Variants in EXOC6B observed in about 807,000 individuals in gnomAD.
EXOC6B encodes SEC15 homolog B.
A neutral mutation model predicts 113.5 loss-of-function variants in EXOC6B; 54 were observed. The observed-to-expected ratio is 0.48, with a 90% CI of 0.38 to 0.60. The LOEUF (loss-of-function observed/expected upper bound fraction) is 0.60, where lower values mean the gene tolerates loss of function less well. EXOC6B is among the 20% of genes least tolerant of loss of function. The pLI, the probability that EXOC6B is intolerant of heterozygous loss-of-function variation, is 0.00. For missense variants in EXOC6B, 797 were observed against 977.5 expected (o/e 0.82, Z 2.46); for synonymous variants, 357 against 339.0 (o/e 1.05, Z -0.58).
At chr2:72,652,412 C>A (rs1674244572) in intron 6 of EXOC6B, among the ~76,000 whole-genome samples, 1 of 152,120 alleles carries the variant, frequency 6.6e-6, no homozygotes, top group South Asian at 2.1e-4. Context: ...GCACAGAAAG[C>A]TAAACCTTAC....
Position 72,479,998 on chromosome 2 carries a change from T to C in EXOC6B, c.1800+618A>G, listed in dbSNP as rs1698980013. On this transcript the variant is annotated intron_variant, in intron 17 of 21. Coordinates refer to ENST00000272427, the MANE Select transcript of EXOC6B (RefSeq NM_015189.3). ...TGGGTGGATCGCTTGAACCCAGGAA[T>C]TCGAGACCAGCCTGGGCAACATGGC... 2.0e-5 allele frequency among the ~76,000 whole-genome samples: 3 copies of C among 151,998 alleles called. No homozygotes were observed. In the South Asian group the frequency reaches 6.2e-4, roughly 31 times the overall value.
chr2:72,730,858 TA>T, intron 5 of EXOC6B, 148 bp downstream of exon 5: 1 of 545,628 alleles, frequency 1.8e-6, no homozygotes, highest in East Asian at 3.0e-5. Context: ...TATATATAAA[TA>T]AATCTAGAAT....
At chr2:72,239,006 C>A (rs959598849) in intron 20 of EXOC6B, among the ~76,000 whole-genome samples, 3 of 152,152 alleles carry the variant, frequency 2.0e-5, no homozygotes, top group Admixed American at 2.0e-4. Flanking sequence ...TCAGGGGATC[C>A]TCCCACCTCA....
chr2:72,655,596 G>A (rs13006497), intron 6 of EXOC6B, among the ~76,000 whole-genome samples: 92,896 of 151,880 alleles, frequency 0.61, 34,635 homozygotes, highest in East Asian at 0.99. Context: ...AAAAGTACAT[G>A]TATTCAAAGA....
intron 6 of EXOC6B, among the ~76,000 whole-genome samples, chr2:72,588,679 A>G (rs1382015551): frequency 6.6e-6 from 1 of 152,094 alleles, no homozygotes; most frequent in Admixed American, 6.5e-5. Flanking sequence ...AAATCAATTA[A>G]TAATTTTAAT....
At chr2:72,334,736 C>T (rs555581559) in intron 20 of EXOC6B, among the ~76,000 whole-genome samples, 1 of 142,888 alleles carries the variant, frequency 7.0e-6, no homozygotes, top group South Asian at 2.4e-4. Context: ...CCCCCGCCTT[C>T]CCTTCTACCC....
At chr2:72,651,502 T>C (rs953304220) in intron 6 of EXOC6B, among the ~76,000 whole-genome samples, 1 of 152,244 alleles carries the variant, frequency 6.6e-6, no homozygotes, top group Non-Finnish European at 1.5e-5. Context: ...TAAAAGATGT[T>C]ATTAGGTTGT....
At chr2:72,532,740 G>A (rs1435044418) in intron 8 of EXOC6B, among the ~76,000 whole-genome samples, 3 of 152,068 alleles carry the variant, frequency 2.0e-5, no homozygotes, top group Admixed American at 6.6e-5. Flanking sequence ...CCCAGGAGGC[G>A]GAGGTTGCAG....
chr2:72,464,337 G>A (rs971859824), intron 18 of EXOC6B: 1 of 152,132 alleles, frequency 6.6e-6, no homozygotes, highest in African/African-American at 2.4e-5. Context: ...AGTCCTCTTT[G>A]GTGCTAAAAA....
intron 20 of EXOC6B, among the ~76,000 whole-genome samples, chr2:72,314,626 C>T (rs1210757899): frequency 1.3e-5 from 2 of 152,154 alleles, no homozygotes; most frequent in Non-Finnish European, 2.9e-5. Context: ...GAACCAAGAA[C>T]ACTTTTAGGA....
At chr2:72,694,358 C>T (rs1677715571) in intron 6 of EXOC6B, among the ~76,000 whole-genome samples, 1 of 152,134 alleles carries the variant, frequency 6.6e-6, no homozygotes, top group Non-Finnish European at 1.5e-5. Flanking sequence ...AGGAGAATCG[C>T]TTGACCCTGG....
At chr2:72,198,760 C>T (rs765765735) in intron 20 of EXOC6B, among the ~76,000 whole-genome samples, 79 of 152,174 alleles carry the variant, frequency 5.2e-4, no homozygotes, top group Non-Finnish European at 9.3e-4. Context: ...TGAACCAATA[C>T]ATCTCTGAGT....
At chr2:72,363,358 T>C (rs900313380) in intron 19 of EXOC6B, among the ~76,000 whole-genome samples, 3 of 152,102 alleles carry the variant, frequency 2.0e-5, no homozygotes, top group Non-Finnish European at 4.4e-5. Flanking sequence ...ACAGCTGAAC[T>C]GACTGATTGC....
intron 1 of EXOC6B, among the ~76,000 whole-genome samples, chr2:72,783,807 T>C (rs1399722675): frequency 6.6e-6 from 1 of 152,220 alleles, no homozygotes; most frequent in African/African-American, 2.4e-5. Context: ...GTCTCTTCAC[T>C]GCTGACCATT....
intron 1 of EXOC6B, among the ~76,000 whole-genome samples, chr2:72,802,570 G>T (rs913497220): frequency 2.0e-5 from 3 of 152,008 alleles, no homozygotes; most frequent in Non-Finnish European, 4.4e-5. Flanking sequence ...TATTGATAAT[G>T]TGGCTTTAAG....
At chr2:72,216,470 C>A (rs1288944186) in intron 20 of EXOC6B, among the ~76,000 whole-genome samples, 1 of 152,160 alleles carries the variant, frequency 6.6e-6, no homozygotes, top group African/African-American at 2.4e-5. Context: ...TAAATTAGTT[C>A]AACCATTGTG....
At chr2:72,570,552 A>G (rs140354881) in intron 7 of EXOC6B, among the ~76,000 whole-genome samples, 1,684 of 152,296 alleles carry the variant, frequency 0.011, 14 homozygotes, top group Non-Finnish European at 0.019. Context: ...TTTGGTCAAC[A>G]AATATTTATG....
intron 6 of EXOC6B, among the ~76,000 whole-genome samples, chr2:72,715,329 T>C (rs999512754): frequency 1.3e-5 from 2 of 151,496 alleles, no homozygotes; most frequent in African/African-American, 4.8e-5. Context: ...GTAGACACAA[T>C]TGCAGATATA....
At chr2:72,644,525 C>G (rs143287059) in intron 6 of EXOC6B, among the ~76,000 whole-genome samples, 4 of 152,162 alleles carry the variant, frequency 2.6e-5, no homozygotes, top group Middle Eastern at 6.8e-3. Context: ...AAAATGTTAA[C>G]GGCAACCAGA....
Sources: allele counts gnomAD v4.1 joint callset (sites outside exome capture counted in the v4.1 genomes callset), GRCh38; gene constraint gnomAD v4.1.1; transcripts MANE v1.5; gene names NCBI Gene and HGNC (gene_info 2026-07-23, HGNC 2026-07-21).